TJAP1: variants seen among roughly 807,000 people sequenced by gnomAD.
TJAP1 encodes the protein tight junction associated protein 1.
In TJAP1, 27 loss-of-function variants were observed where a neutral mutation model predicts 42.0. That is an observed-to-expected ratio of 0.64 (90% CI 0.47 to 0.89). TJAP1 has a LOEUF of 0.89. Among genes scored for constraint, TJAP1 ranks in the 40% least tolerant of loss-of-function variants. TJAP1 has a pLI of 0.00. For missense variants in TJAP1, 712 were observed against 726.9 expected, an observed-to-expected ratio of 0.98 and a Z score of 0.24; for synonymous variants, 257 against 288.4, an observed-to-expected ratio of 0.89 and a Z score of 1.10.
At chr6:43,484,727 G>C (rs1042560887) in intron 2 of TJAP1, among the ~76,000 whole-genome samples, 4 of 151,802 alleles carry the variant, frequency 2.6e-5, no homozygotes, top group Admixed American at 2.6e-4. Context: ...CCCCATCTCT[G>C]TTTGTTTGTT....
At chr6:43,499,244 C>T (rs1472114487) in intron 4 of TJAP1, 144 bp downstream of exon 4, 34 of 1,269,900 alleles carry the variant, frequency 2.7e-5, no homozygotes, top group Non-Finnish European at 3.5e-5. Context: ...GTCTCCTAGC[C>T]GCAGTAGTGC....
chr6:43,505,788 G>C lies in TJAP1; in HGVS notation c.1607G>C (p.Gly536Ala). ...CCCCAGCGCAGCCCCAAGAGGATGG[G>C]GGTTCACCACCTGCACCGCAAGGAC... The change falls in exon 11 of 11, where the codon GGG becomes GCG. Residue 536 changes from glycine (G) to alanine (A), a missense_variant. Physicochemically the swap from Gly to Ala is moderately conservative, Grantham distance 60 (BLOSUM62 0). This residue lies in a region of TJAP1 where 549 missense variants were observed against 528.2 expected (regional missense o/e 1.04). Transcript: ENST00000372449. This position sits in a 1 kb window ranked among gnomAD's most constrained non-coding sequence, Gnocchi z 5.5. 2.7e-6 allele frequency: 4 copies of C among 1,506,860 alleles called. No homozygotes were observed. The highest frequency in any genetic ancestry group is 3.5e-6 in the Non-Finnish European group (4 of 1,131,718). 93.3% of individuals were successfully genotyped at this position (1,506,860 alleles called of 1,614,324 possible). A position where few individuals can be genotyped will look rare whatever the true frequency, so the allele number is the denominator to read the frequency against.
At position 43,495,986 on chromosome 6, in the gene TJAP1, G is replaced by A. The variant is rs929840110; in HGVS notation, c.-121-1895G>A. On this transcript the variant is annotated intron_variant, in intron 2 of 10. Coordinates refer to ENST00000372449, the Ensembl canonical transcript of TJAP1. The surrounding 1 kb of genome is among the most constrained non-coding windows in gnomAD (Gnocchi z 4.6). Reference sequence around the variant, plus strand: ...GTTTCGGTACCAAGAGGACAGCACAGGCCTTGCCAGGAATAGGGACAAGGG... The same window carrying A: ...GTTTCGGTACCAAGAGGACAGCACAAGCCTTGCCAGGAATAGGGACAAGGG... Among the ~76,000 whole-genome samples, 5 of 152,160 alleles carry A rather than the reference G, an allele frequency of 3.3e-5. No homozygotes were observed. Among genetic ancestry groups the A allele is most frequent in the Non-Finnish European group, 7.3e-5 (5 of 68,030 alleles).
chr6:43,481,482 A>ACC (rs60749220), intron 2 of TJAP1, among the ~76,000 whole-genome samples: 351 of 123,770 alleles, frequency 2.8e-3, no homozygotes, highest in Non-Finnish European at 4.5e-3. Context: ...GCAAGACATC[A>ACC]CCCCCCCCCC....
At position 43,503,875 on chromosome 6, in the gene TJAP1, G is replaced by A. The variant is rs76650718; in HGVS notation, c.579+169G>A. 5.5e-3 allele frequency: 4,026 copies of A among 725,960 alleles called. 135 individuals are homozygous for A. In the African/African-American group the frequency reaches 0.061, roughly 11 times the overall value. The allele number at this position is 725,960 out of a possible 1,614,324, so 45.0% of individuals were successfully genotyped here. ...CAACTCTGCCACTGGTTGGTGTCCC[G>A]TGTACTGTCCAGGGCCCATCACTAG... On this transcript the variant is annotated intron_variant, in intron 10 of 10. Coordinates refer to ENST00000372449, the Ensembl canonical transcript of TJAP1.
intron 8 of TJAP1, 114 bp from the exon 9 acceptor site, chr6:43,503,287 G>A (rs916159853): frequency 2.8e-5 from 21 of 740,286 alleles, no homozygotes; most frequent in Non-Finnish European, 4.5e-5. Context: ...TGCTCTGTCC[G>A]CCTTGGCTGC....
At chr6:43,486,320 A>G (rs1344454391) in intron 2 of TJAP1, among the ~76,000 whole-genome samples, 1 of 142,158 alleles carries the variant, frequency 7.0e-6, no homozygotes, top group Non-Finnish European at 1.5e-5. Flanking sequence ...GGGTTAAAGG[A>G]GGAGGTGAGT....
At position 43,495,923 on chromosome 6, in the gene TJAP1, G is replaced by A. The variant is rs1738711007; in HGVS notation, c.-121-1958G>A. On this transcript the variant is annotated intron_variant, in intron 2 of 10. Coordinates refer to ENST00000372449, the Ensembl canonical transcript of TJAP1. This position sits in a 1 kb window ranked among gnomAD's most constrained non-coding sequence, Gnocchi z 4.6. ...ACAGGATTGCTGGACACCCAAGTGCGTTTGTGTCCTCCCTGCCTGCCTGCC... is the reference window on the plus strand; with the variant it reads ...ACAGGATTGCTGGACACCCAAGTGCATTTGTGTCCTCCCTGCCTGCCTGCC... Among the ~76,000 whole-genome samples, 3 of 152,148 alleles carry A rather than the reference G, an allele frequency of 2.0e-5. No homozygotes were observed. The highest frequency in any genetic ancestry group is 6.5e-5 in the Admixed American group (1 of 15,282).
At chr6:43,483,321 C>T (rs1013303445) in intron 2 of TJAP1, among the ~76,000 whole-genome samples, 2 of 152,178 alleles carry the variant, frequency 1.3e-5, no homozygotes, top group African/African-American at 4.8e-5. Context: ...TGCTCCCAAA[C>T]CTATCATGGG....
chr6:43,494,276 G>A (rs748692877), intron 2 of TJAP1, among the ~76,000 whole-genome samples: 3 of 152,212 alleles, frequency 2.0e-5, no homozygotes, highest in East Asian at 1.9e-4. Flanking sequence ...AGTAAGCAAA[G>A]AATGAATGCT....
chr6:43,506,296 A>G (rs545845674), exon 11 of TJAP1: 1 of 152,682 alleles, frequency 6.5e-6, no homozygotes, highest in African/African-American at 2.4e-5. Context: ...TTCCCCCCCC[A>G]GTCCTCCGCA....
At chr6:43,496,241 AC>A (rs1418040804) in intron 2 of TJAP1, among the ~76,000 whole-genome samples, 3 of 151,764 alleles carry the variant, frequency 2.0e-5, no homozygotes, top group Non-Finnish European at 4.4e-5. Context: ...CAACTCACGC[AC>A]CCCACACATT....
intron 2 of TJAP1, among the ~76,000 whole-genome samples, chr6:43,485,523 G>A (rs1786262760): frequency 6.6e-6 from 1 of 152,196 alleles, no homozygotes; most frequent in African/African-American, 2.4e-5. Context: ...AGATATGTCT[G>A]AGTTCTCTGG....
At chr6:43,478,569 G>C (rs1784687814) in intron 2 of TJAP1, 1 of 152,238 alleles carries the variant, frequency 6.6e-6, no homozygotes, top group Non-Finnish European at 1.5e-5. Context: ...TCTTCACTTT[G>C]GCGTCCTGCC....
At chr6:43,486,966 A>G (rs539424670) in intron 2 of TJAP1, among the ~76,000 whole-genome samples, 19 of 152,266 alleles carry the variant, frequency 1.2e-4, no homozygotes, top group African/African-American at 4.3e-4. Context: ...ATCTTTGCAG[A>G]TGGCAACTTG....
intron 2 of TJAP1, among the ~76,000 whole-genome samples, chr6:43,483,983 CTT>C (rs1433353353): frequency 6.6e-6 from 1 of 151,972 alleles, no homozygotes; most frequent in African/African-American, 2.4e-5. Flanking sequence ...GGGAGGATAA[CTT>C]GAACCCAGGA....
exon 11 of TJAP1, chr6:43,504,986 G>T: frequency 6.2e-7 from 1 of 1,614,054 alleles, no homozygotes; most frequent in Non-Finnish European, 8.5e-7. Flanking sequence ...CATGAGTGAG[G>T]GTGTCCCAGG....
rs1427727527 is a variant in TJAP1, at chr6:43,500,691, GC to G, written c.100-51del. On this transcript the variant is annotated intron_variant, in intron 4 of 10. Transcript: ENST00000372449. Reference sequence around the variant, plus strand: ...TTGTGGCTATTTGGAGGGTGAGCCAGCCGGGGGTCCAGTGGTCCAGAGCTGA... The same window carrying G: ...TTGTGGCTATTTGGAGGGTGAGCCAGCGGGGGTCCAGTGGTCCAGAGCTGA... 9.4e-5 allele frequency: 152 copies of G among 1,612,382 alleles called. 1 individual carries two copies. In the South Asian group the frequency reaches 1.5e-3, roughly 15 times the overall value.
chr6:43,483,996 G>C (rs942088472), intron 2 of TJAP1, among the ~76,000 whole-genome samples: 4 of 151,920 alleles, frequency 2.6e-5, no homozygotes, highest in Non-Finnish European at 5.9e-5. Flanking sequence ...GAACCCAGGA[G>C]TTTGAGGCTG....
Sources: allele counts gnomAD v4.1 joint callset (sites outside exome capture counted in the v4.1 genomes callset), GRCh38; gene constraint gnomAD v4.1.1; regional missense constraint gnomAD v4.1.1; non-coding constraint Gnocchi (gnomAD v3.1); transcripts MANE v1.5; gene names NCBI Gene and HGNC (gene_info 2026-07-23, HGNC 2026-07-21).